Variants in ZMIZ1 observed in about 807,000 individuals in gnomAD.
The protein encoded by ZMIZ1 is zinc finger MIZ domain-containing protein 1.
Under a neutral mutation model 113.9 loss-of-function variants are expected in ZMIZ1, and 17 were observed. That is an observed-to-expected ratio of 0.15 (90% CI 0.10 to 0.22). ZMIZ1 has a LOEUF of 0.22. ZMIZ1 is among the 10% of genes least tolerant of loss of function. ZMIZ1 has a pLI of 1.00. For missense variants in ZMIZ1, 1,059 were observed against 1,477.8 expected (o/e 0.72, Z 4.65); for synonymous variants, 607 against 603.1 (o/e 1.01, Z -0.09).
chr10:79,237,316 G>T (rs546837315), intron 7 of ZMIZ1, among the ~76,000 whole-genome samples: 5 of 152,250 alleles, frequency 3.3e-5, no homozygotes, highest in Admixed American at 6.5e-5. Context: ...AGAGCAACAT[G>T]AGGAAGGGTC....
chr10:79,199,348 A>G (rs1437446806), intron 4 of ZMIZ1, among the ~76,000 whole-genome samples: 1 of 152,096 alleles, frequency 6.6e-6, no homozygotes, highest in Non-Finnish European at 1.5e-5. Context: ...TCTGCTAAAA[A>G]TACAAAAAAT....
chr10:79,104,953 GTGTGTGTGT>G (rs1564652924), intron 1 of ZMIZ1, among the ~76,000 whole-genome samples: 126 of 68,608 alleles, frequency 1.8e-3, no homozygotes, highest in African/African-American at 0.011. Context: ...GTTGTGGGGT[GTGTGTGTGT>G]GTGTGTGTGT....
chr10:79,267,808 G>A (rs1294855728), intron 7 of ZMIZ1, among the ~76,000 whole-genome samples: 1 of 152,190 alleles, frequency 6.6e-6, no homozygotes, highest in East Asian at 1.9e-4. Context: ...CTCACACCAG[G>A]CCAGTGAGCA....
chr10:79,092,487 G>A (rs961719606), intron 1 of ZMIZ1, among the ~76,000 whole-genome samples: 1 of 152,240 alleles, frequency 6.6e-6, no homozygotes, highest in African/African-American at 2.4e-5. Context: ...TGTGGCTGTT[G>A]TTGTGCTAGG....
chr10:79,268,042 G>T (rs117770051), intron 7 of ZMIZ1, among the ~76,000 whole-genome samples: 4,732 of 152,330 alleles, frequency 0.031, 106 homozygotes, highest in Middle Eastern at 0.054. Context: ...CTGTGTTTGG[G>T]AGCTGAAAGA....
Position 79,096,276 on chromosome 10 carries a change from C to T in ZMIZ1, c.-336-22639C>T, listed in dbSNP as rs578020535. On this transcript the variant is annotated intron_variant, in intron 1 of 24. Transcript: ENST00000334512. ...CTGTAATACCAGCACTTTGGGAGGC[C>T]GAGACAGGCGGATCACAAGGTCAGG... is the stretch of plus-strand genomic sequence containing the variant. 3.3e-5 allele frequency among the ~76,000 whole-genome samples: 5 copies of T among 152,156 alleles called. No homozygotes were observed. The South Asian group carries it at 6.2e-4, about 19-fold the overall frequency.
chr10:79,178,281 C>T (rs1418975912), intron 4 of ZMIZ1, among the ~76,000 whole-genome samples: 1 of 152,230 alleles, frequency 6.6e-6, no homozygotes, highest in African/African-American at 2.4e-5. Context: ...GCCCTTCAGC[C>T]TGCTACCAAG....
At position 79,217,298 on chromosome 10, in the gene ZMIZ1, G is replaced by A. The variant is rs368479830; in HGVS notation, c.280+1024G>A. Among the ~76,000 whole-genome samples the A allele has an allele frequency of 1.2e-4, 19 of 152,262 alleles. No individual in the cohort carries two copies. The East Asian group carries it at 2.5e-3, about 20-fold the overall frequency. On this transcript the variant is annotated intron_variant, in intron 7 of 24. Coordinates refer to ENST00000334512, the MANE Select transcript of ZMIZ1 (RefSeq NM_020338.4). ...AAATTAGCCGGGTGTGGTGGCGGGCGCCTGTAGTCCCAGCTACTCAGGAGG... is the reference window on the plus strand; with the variant it reads ...AAATTAGCCGGGTGTGGTGGCGGGCACCTGTAGTCCCAGCTACTCAGGAGG...
rs56903717 is a variant in ZMIZ1, at chr10:79,240,638, C to CTTTTTTTTTTTTTTTTTTTTTTTTTT, written c.280+24366_280+24391dup. Reference sequence around the variant, plus strand: ...CGTAAATCTAGTGAAGAGTATTTATCTTTTTTTTTTTTTTTTTTTTTTTTT... The same window carrying CTTTTTTTTTTTTTTTTTTTTTTTTTT: ...CGTAAATCTAGTGAAGAGTATTTATCTTTTTTTTTTTTTTTTTTTTTTTTTTTTTTTTTTTTTTTTTTTTTTTTTTT... On this transcript the variant is annotated intron_variant, in intron 7 of 24. Transcript: ENST00000334512. Among the ~76,000 whole-genome samples the CTTTTTTTTTTTTTTTTTTTTTTTTTT allele has an allele frequency of 3.1e-4, 17 of 55,322 alleles. 3 individuals are homozygous for CTTTTTTTTTTTTTTTTTTTTTTTTTT. The East Asian group carries it at 4.8e-3, about 16-fold the overall frequency. The allele number at this position is 55,322 out of a possible 152,430, so 36.3% of individuals were successfully genotyped here. A position where few individuals can be genotyped will look rare whatever the true frequency, so the allele number is the denominator to read the frequency against.
intron 17 of ZMIZ1, 66 bp from the exon 18 acceptor site, chr10:79,302,041 A>T: frequency 6.5e-7 from 1 of 1,542,454 alleles, no homozygotes; most frequent in South Asian, 1.1e-5. Context: ...AGGGCTGCTG[A>T]GGCTGCAGGC....
intron 7 of ZMIZ1, among the ~76,000 whole-genome samples, chr10:79,218,310 C>CA (rs1158872216): frequency 2.6e-5 from 4 of 151,968 alleles, no homozygotes; most frequent in Non-Finnish European, 5.9e-5. Flanking sequence ...CCCATATCTA[C>CA]AAAAAAATAC....
At chr10:79,240,467 C>G (rs557044719) in intron 7 of ZMIZ1, among the ~76,000 whole-genome samples, 1 of 152,040 alleles carries the variant, frequency 6.6e-6, no homozygotes, top group Non-Finnish European at 1.5e-5. Context: ...TTCTGTAGAC[C>G]GGAGGCGTGT....
Position 79,136,071 on chromosome 10 carries a change from C to G in ZMIZ1, c.-226-3611C>G, listed in dbSNP as rs527653639. ...GCCAAAAGGCACCTGCCTCCTCCCC[C>G]AGGCCTGGCCTTGGCCACCCCAGTC... On this transcript the variant is annotated intron_variant, in intron 2 of 24. Coordinates refer to ENST00000334512, the MANE Select transcript of ZMIZ1 (RefSeq NM_020338.4). Among the ~76,000 whole-genome samples, 15 of 152,350 alleles carry G rather than the reference C, an allele frequency of 9.8e-5. No individual in the cohort carries two copies. The East Asian group carries it at 2.9e-3, about 29-fold the overall frequency.
chr10:79,079,314 G>C (rs1842582036), intron 1 of ZMIZ1, among the ~76,000 whole-genome samples: 1 of 152,188 alleles, frequency 6.6e-6, no homozygotes, highest in Admixed American at 6.5e-5. Flanking sequence ...CTGTGGTCAA[G>C]CCTTTGCAAA....
chr10:79,291,615 G>C (rs1016359526), intron 10 of ZMIZ1, among the ~76,000 whole-genome samples: 1 of 152,218 alleles, frequency 6.6e-6, no homozygotes, highest in Admixed American at 6.5e-5. Context: ...CAGAGACTGC[G>C]AGTCCCTTGG....
At chr10:79,271,271 GTTCTC>G (rs745540229) in intron 7 of ZMIZ1, among the ~76,000 whole-genome samples, 22 of 152,342 alleles carry the variant, frequency 1.4e-4, no homozygotes, top group African/African-American at 4.8e-4. Context: ...CCATCCTGTT[GTTCTC>G]TTCTCTACTG....
At chr10:79,303,428 C>A (rs1854462262) in intron 18 of ZMIZ1, among the ~76,000 whole-genome samples, 1 of 139,474 alleles carries the variant, frequency 7.2e-6, no homozygotes, top group African/African-American at 2.8e-5. Flanking sequence ...ACACTCCAGC[C>A]TGGGCAACAC....
chr10:79,188,400 C>T (rs1847442036), intron 4 of ZMIZ1, among the ~76,000 whole-genome samples: 1 of 152,222 alleles, frequency 6.6e-6, no homozygotes, highest in African/African-American at 2.4e-5. Context: ...GCCCCCGAGC[C>T]AGTCTTGCTG....
intron 1 of ZMIZ1, among the ~76,000 whole-genome samples, chr10:79,110,925 G>A (rs1843717060): frequency 6.6e-6 from 1 of 152,242 alleles, no homozygotes; most frequent in South Asian, 2.1e-4. Context: ...GTATCCCAGT[G>A]TGATATCAAT....
Sources: gnomAD v4.1 joint callset for allele counts (sites outside exome capture counted in the v4.1 genomes callset) on GRCh38, gnomAD v4.1.1 for gene constraint, MANE v1.5 for transcripts, NCBI Gene and HGNC (gene_info 2026-07-23, HGNC 2026-07-21) for gene names.